NT5C1A: variants seen among roughly 807,000 people sequenced by gnomAD.
NT5C1A encodes the protein 5'-nucleotidase, cytosolic IA.
In NT5C1A, 18 loss-of-function variants were observed where a neutral mutation model predicts 31.0. The observed-to-expected ratio is 0.58, with a 90% CI of 0.40 to 0.86. The LOEUF (loss-of-function observed/expected upper bound fraction) is 0.86, where lower values mean the gene tolerates loss of function less well. Among genes scored for constraint, NT5C1A ranks in the 40% least tolerant of loss-of-function variants. The pLI is 0.00. For missense variants in NT5C1A, 470 were observed against 505.4 expected, an observed-to-expected ratio of 0.93 and a Z score of 0.67; for synonymous variants, 185 against 203.6, an observed-to-expected ratio of 0.91 and a Z score of 0.78.
In NT5C1A at chr1:39,659,359, G is replaced by A; in HGVS notation, c.869C>T (p.Ala290Val). 1.2e-6 allele frequency: 2 copies of A among 1,613,874 alleles called. No homozygotes were observed. The highest frequency in any genetic ancestry group is 1.7e-6 in the Non-Finnish European group (2 of 1,180,024). Residue 290 changes from alanine to valine, a missense_variant, in exon 6 of 6, where the codon GCC becomes GTC. Physicochemically the swap from Ala to Val is moderately conservative, Grantham distance 64. Coordinates refer to ENST00000235628, the MANE Select transcript of NT5C1A (RefSeq NM_032526.3). Reference protein sequence around the residue: ...VTARSAASSGARALKTLRSWG... With the variant: ...VTARSAASSGVRALKTLRSWG... ...GCTGCGCAGGGTCTTGAGAGCCCGG[G>A]CCCCGGAACTGGCTGCACTGCGTGC...
chr1:39,659,413 T>C lies in NT5C1A; in HGVS notation c.815A>G (p.Glu272Gly), dbSNP rs767573547. The C allele has an allele frequency of 7.4e-6, 12 of 1,613,042 alleles. No individual in the cohort carries two copies. In the East Asian group the frequency reaches 2.7e-4, roughly 36 times the overall value. Reference sequence around the variant, plus strand: ...CACCAAGTAGGTACGAATTGGGCACTCCAGCCGCAGGCCTTTGGAGTAGAA... The same window carrying C: ...CACCAAGTAGGTACGAATTGGGCACCCCAGCCGCAGGCCTTTGGAGTAGAA... ...KKFYSKGLRL[E>G]CPIRTYLVTA... Residue 272 changes from glutamate to glycine, a missense_variant, in exon 6 of 6, where the codon GAG becomes GGG. Glu to Gly is a moderately conservative substitution (Grantham distance 98, BLOSUM62 -2). Coordinates refer to ENST00000235628, the MANE Select transcript of NT5C1A (RefSeq NM_032526.3).
In NT5C1A at chr1:39,658,982, A is replaced by G. The variant is rs1385726560; in HGVS notation, c.*139T>C. On this transcript the variant is annotated 3_prime_UTR_variant, in exon 6 of 6. Transcript: ENST00000235628. Reference sequence around the variant, plus strand: ...GCCAGACCCGTCTGCATAATTTCCTACAAGTACATCACTCATAGGGATGAG... The same window carrying G: ...GCCAGACCCGTCTGCATAATTTCCTGCAAGTACATCACTCATAGGGATGAG... 3.3e-6 allele frequency: 4 copies of G among 1,214,702 alleles called. No homozygotes were observed. The African/African-American group carries it at 6.0e-5, about 18-fold the overall frequency. 75.2% of individuals were successfully genotyped at this position (1,214,702 alleles called of 1,614,324 possible). A position where few individuals can be genotyped will look rare whatever the true frequency, so the allele number is the denominator to read the frequency against.
chr1:39,665,468 GGTCTGGTAGGGGT>G (rs1400652929), intron 3 of NT5C1A, 40 bp downstream of exon 3: 9 of 1,544,664 alleles, frequency 5.8e-6, no homozygotes, highest in Non-Finnish European at 7.0e-6. Context: ...ATCCCTGGGG[GGTCTGGTAGGGGT>G]GTCCCAGGGC....
chr1:39,658,737 G>T lies in NT5C1A; in HGVS notation c.*384C>A, dbSNP rs111372989. 2.0e-3 allele frequency among the ~76,000 whole-genome samples: 308 copies of T among 152,322 alleles called. No homozygotes were observed. The highest frequency in any genetic ancestry group is 7.1e-3 in the African/African-American group (294 of 41,568). On this transcript the variant is annotated 3_prime_UTR_variant, in exon 6 of 6. Coordinates refer to ENST00000235628, the MANE Select transcript of NT5C1A (RefSeq NM_032526.3). ...AAGTCATGCAGTTAATACCAGGACA[G>T]AGCTTAGAAGCCAGATCCACTCTCT...
intron 4 of NT5C1A, 38 bp downstream of exon 4, chr1:39,663,274 C>G (rs2124154881): frequency 6.2e-7 from 1 of 1,613,066 alleles, no homozygotes. Flanking sequence ...GACCCCTTTG[C>G]TGCACTCCCC....
In NT5C1A at chr1:39,652,082, C is replaced by T. The variant is rs998392289; in HGVS notation, c.*7039G>A. On this transcript the variant is annotated 3_prime_UTR_variant, in exon 6 of 6. Transcript: ENST00000235628. The stretch of plus-strand genomic sequence containing the variant: ...AAAAAAAAAAAGAAGTTTGTACATA[C>T]GCAGTTTTGAACACACAAAGGCTGA... Among the ~76,000 whole-genome samples, 4 of 125,006 alleles carry T rather than the reference C, an allele frequency of 3.2e-5. No homozygotes were observed. Among genetic ancestry groups the T allele is most frequent in the African/African-American group, 2.9e-5 (1 of 34,026 alleles). 82.0% of individuals were successfully genotyped at this position (125,006 alleles called of 152,430 possible).
At chr1:39,664,736 G>A (rs1051868155) in intron 3 of NT5C1A, among the ~76,000 whole-genome samples, 15 of 150,814 alleles carry the variant, frequency 9.9e-5, no homozygotes, top group African/African-American at 2.0e-4. Context: ...TGTTCCACCC[G>A]CCCTGGCCTC....
intron 1 of NT5C1A, among the ~76,000 whole-genome samples, chr1:39,667,374 C>T (rs536735201): frequency 2.0e-5 from 3 of 151,940 alleles, no homozygotes; most frequent in African/African-American, 4.8e-5. Context: ...GCAGCTGGAC[C>T]TTTATAGTCC....
At chr1:39,664,579 G>A (rs1393109823) in intron 3 of NT5C1A, among the ~76,000 whole-genome samples, 1 of 124,792 alleles carries the variant, frequency 8.0e-6, no homozygotes, top group Non-Finnish European at 1.6e-5. Flanking sequence ...TGCAACCTCT[G>A]CCTCCCGGGT....
At position 39,666,256 on chromosome 1, in the gene NT5C1A, G is replaced by A. The variant is rs2124160874; in HGVS notation, c.136-20C>T. On this transcript the variant is annotated intron_variant, in intron 1 of 5. Transcript: ENST00000235628. ...CTTGGGCTGCAGAGGTATGGGAGAA[G>A]GGGTTGTCACTCAGATGACTGCCCC... 1 of 1,611,840 alleles carries A rather than the reference G, an allele frequency of 6.2e-7. No individual in the cohort carries two copies. Among genetic ancestry groups the A allele is most frequent in the South Asian group, 1.1e-5 (1 of 90,924 alleles).
In NT5C1A at chr1:39,663,307, C is replaced by G; in HGVS notation, c.556+5G>C. ...CCCATATTCTTCCTCTTCACTTAGA[C>G]TTACCCTCATCAATGGCTTCTCGCA... is the stretch of plus-strand genomic sequence containing the variant. On this transcript the variant is annotated splice_donor_5th_base_variant and intron_variant, in intron 4 of 5. Coordinates refer to ENST00000235628, the MANE Select transcript of NT5C1A (RefSeq NM_032526.3). 6.2e-7 allele frequency: 1 copy of G among 1,614,180 alleles called. No homozygotes were observed. Among genetic ancestry groups the G allele is most frequent in the East Asian group, 2.2e-5 (1 of 44,894 alleles).
chr1:39,652,975 G>A lies in NT5C1A; in HGVS notation c.*6146C>T, dbSNP rs764841927. On this transcript the variant is annotated 3_prime_UTR_variant, in exon 6 of 6. Transcript: ENST00000235628. ...GGCATCTGTATACAGTTGGCAGGTT[G>A]TGCAGGTGTCTAATAGGTACTACCC... Among the ~76,000 whole-genome samples, 4 of 152,124 alleles carry A rather than the reference G, an allele frequency of 2.6e-5. No individual in the cohort carries two copies. The highest frequency in any genetic ancestry group is 5.9e-5 in the Non-Finnish European group (4 of 68,034).
Position 39,651,295 on chromosome 1 carries a change from AGGTATAGGACATGCAT to A in NT5C1A, c.*7810_*7825del, listed in dbSNP as rs902569466. Among the ~76,000 whole-genome samples, 1 of 152,234 alleles carries A rather than the reference AGGTATAGGACATGCAT, an allele frequency of 6.6e-6. No homozygotes were observed. Among genetic ancestry groups the A allele is most frequent in the Non-Finnish European group, 1.5e-5 (1 of 68,044 alleles). Reference sequence around the variant, plus strand: ...AGCAGAAGCACATGTGGTAAAATTAAGGTATAGGACATGCATGAGAAGTGACAGGGACCCACACTGG... The same window carrying A: ...AGCAGAAGCACATGTGGTAAAATTAAGAGAAGTGACAGGGACCCACACTGG... On this transcript the variant is annotated 3_prime_UTR_variant, in exon 6 of 6. Coordinates refer to ENST00000235628, the MANE Select transcript of NT5C1A (RefSeq NM_032526.3).
intron 2 of NT5C1A, among the ~76,000 whole-genome samples, 169 bp downstream of exon 2, chr1:39,665,900 G>C (rs1196790805): frequency 5.3e-5 from 8 of 152,252 alleles, no homozygotes; most frequent in African/African-American, 1.9e-4. Context: ...TGTCCAGAGG[G>C]TGGATGAATT....
intron 5 of NT5C1A, 132 bp from the exon 6 acceptor site, chr1:39,659,618 C>T: frequency 8.9e-7 from 1 of 1,119,126 alleles, no homozygotes; most frequent in Non-Finnish European, 1.3e-6. Context: ...GTTAGCTCTG[C>T]TTATGCCTGC....
At position 39,654,453 on chromosome 1, in the gene NT5C1A, A is replaced by ATTGCCTAAG. The variant is rs1481533224; in HGVS notation, c.*4659_*4667dup. Among the ~76,000 whole-genome samples, 11 of 152,220 alleles carry ATTGCCTAAG rather than the reference A, an allele frequency of 7.2e-5. No homozygotes were observed. Among genetic ancestry groups the ATTGCCTAAG allele is most frequent in the Non-Finnish European group, 1.5e-4 (10 of 68,046 alleles). On this transcript the variant is annotated 3_prime_UTR_variant, in exon 6 of 6. Coordinates refer to ENST00000235628, the MANE Select transcript of NT5C1A (RefSeq NM_032526.3). ...TGCGCATCCACCTACTAGGCTGATC[A>ATTGCCTAAG]TTGCCTAAGAGGCCCCATGAGGAAA... is the stretch of plus-strand genomic sequence containing the variant.
rs1646476931 is a variant in NT5C1A at position 39,659,114 on chromosome 1, G to A, written c.*7C>T. ...AGCAATGTGGATCAGTAAAGCCGGTGGTTCAGCTACTGTGCAGATGGGGCC... is the reference window on the plus strand; with the variant it reads ...AGCAATGTGGATCAGTAAAGCCGGTAGTTCAGCTACTGTGCAGATGGGGCC... On this transcript the variant is annotated 3_prime_UTR_variant, in exon 6 of 6. Coordinates refer to ENST00000235628, the MANE Select transcript of NT5C1A (RefSeq NM_032526.3). 1.9e-6 allele frequency: 3 copies of A among 1,579,202 alleles called. No individual in the cohort carries two copies. Among genetic ancestry groups the A allele is most frequent in the Admixed American group, 1.8e-5 (1 of 56,720 alleles).
rs1026466640 is a variant in NT5C1A, at chr1:39,663,375, C to A, written c.493G>T (p.Ala165Ser). Residue 165 changes from alanine (A) to serine (S), a missense_variant, in exon 4 of 6, where the codon GCC becomes TCC. Coordinates refer to ENST00000235628, the MANE Select transcript of NT5C1A (RefSeq NM_032526.3). ...GACAAGTAGAGGTTGGTGTGATAGG[C>A]CTTGAGGTAGCAGATCGGGCTGTTC... ...GGNSPICYLK[A>S]YHTNLYLSAD... is the part of the protein sequence containing the mutation. 4 of 1,614,122 alleles carry A rather than the reference C, an allele frequency of 2.5e-6. No homozygotes were observed. The highest frequency in any genetic ancestry group is 3.4e-6 in the Non-Finnish European group (4 of 1,180,028).
At chr1:39,660,809 G>A (rs1178212068) in intron 5 of NT5C1A, among the ~76,000 whole-genome samples, 2 of 152,146 alleles carry the variant, frequency 1.3e-5, no homozygotes, top group Non-Finnish European at 1.5e-5. Context: ...GATTTGAGCT[G>A]CAGAGGGGGG....
Sources: gnomAD v4.1 joint callset for allele counts (sites outside exome capture counted in the v4.1 genomes callset) on GRCh38, gnomAD v4.1.1 for gene constraint, MANE v1.5 for transcripts, NCBI Gene and HGNC (gene_info 2026-07-23, HGNC 2026-07-21) for gene names.